Variants in SULF2 observed in about 807,000 individuals in gnomAD.
The protein encoded by SULF2 is extracellular sulfatase Sulf-2.
Under a neutral mutation model 107.7 loss-of-function variants are expected in SULF2, and 52 were observed. The observed-to-expected ratio is 0.48, with a 90% CI of 0.39 to 0.61. The LOEUF (loss-of-function observed/expected upper bound fraction) is 0.61. Among genes scored for constraint, SULF2 ranks in the 20% least tolerant of loss-of-function variants. The pLI is 0.00. For missense variants in SULF2, 993 were observed against 1,177.3 expected, an observed-to-expected ratio of 0.84 and a Z score of 2.29; for synonymous variants, 460 against 464.3, an observed-to-expected ratio of 0.99 and a Z score of 0.12.
At chr20:47,758,987 G>A (rs1600664911) in intron 1 of SULF2, among the ~76,000 whole-genome samples, 1 of 152,302 alleles carries the variant, frequency 6.6e-6, no homozygotes, top group Non-Finnish European at 1.5e-5. Flanking sequence ...GGACTGCAAG[G>A]TGGCCTGAGG....
At chr20:47,737,063 G>C in intron 2 of SULF2, 121 bp from the exon 3 acceptor site, 1 of 1,419,590 alleles carries the variant, frequency 7.0e-7, no homozygotes, top group Non-Finnish European at 9.6e-7. Context: ...GACCTACGGG[G>C]CAGACGGGGC....
At chr20:47,712,547 C>CGTGCTTTACTTTACAGTGCA (rs1171339421) in intron 3 of SULF2, among the ~76,000 whole-genome samples, 1 of 152,210 alleles carries the variant, frequency 6.6e-6, no homozygotes, top group Non-Finnish European at 1.5e-5. Flanking sequence ...AGGCAGGAGC[C>CGTGCTTTACTTTACAGTGCA]GTGCTGCACT....
chr20:47,753,203 G>A (rs1221504737), intron 2 of SULF2, among the ~76,000 whole-genome samples: 1 of 152,060 alleles, frequency 6.6e-6, no homozygotes, highest in East Asian at 1.9e-4. Context: ...GCCTCGAAAA[G>A]GCACCCATCT....
chr20:47,752,841 C>A (rs1296091130), intron 2 of SULF2, among the ~76,000 whole-genome samples: 1 of 152,052 alleles, frequency 6.6e-6, no homozygotes, highest in Non-Finnish European at 1.5e-5. Context: ...GTGGCTCACG[C>A]CTGCGATCCC....
rs138891668 is a variant in SULF2, at chr20:47,673,367, G to A, written c.1381-974C>T. On this transcript the variant is annotated intron_variant, in intron 10 of 20. Coordinates refer to ENST00000688720, the MANE Select transcript of SULF2 (RefSeq NM_001387048.1). Reference sequence around the variant, plus strand: ...ACTACACCTCACGCTACCCTACGAGGCAGGTGCTGTCATTACTGTGCCGAT... The same window carrying A: ...ACTACACCTCACGCTACCCTACGAGACAGGTGCTGTCATTACTGTGCCGAT... Among the ~76,000 whole-genome samples the A allele has an allele frequency of 8.8e-3, 1,334 of 152,292 alleles. 17 individuals are homozygous for A. Among genetic ancestry groups the A allele is most frequent in the African/African-American group, 0.03 (1,265 of 41,544 alleles).
chr20:47,745,122 C>T (rs2146834519), intron 2 of SULF2, among the ~76,000 whole-genome samples: 1 of 152,078 alleles, frequency 6.6e-6, no homozygotes, highest in Middle Eastern at 3.4e-3. Flanking sequence ...TGTAAAAACA[C>T]AGCCCATAAA....
At chr20:47,696,493 G>T (rs1157529822) in intron 4 of SULF2, among the ~76,000 whole-genome samples, 1 of 151,702 alleles carries the variant, frequency 6.6e-6, no homozygotes, top group African/African-American at 2.4e-5. Flanking sequence ...ATCACTTTAT[G>T]CATCTTTTTA....
chr20:47,708,333 T>A (rs561972098), intron 3 of SULF2, among the ~76,000 whole-genome samples: 1 of 151,858 alleles, frequency 6.6e-6, no homozygotes, highest in Non-Finnish European at 1.5e-5. Flanking sequence ...CTGAAGCCAG[T>A]ACAAACGTGG....
chr20:47,659,362 A>G (rs942202343), intron 20 of SULF2, 37 bp downstream of exon 20: 1 of 1,600,244 alleles, frequency 6.2e-7, no homozygotes, highest in Non-Finnish European at 8.6e-7. Flanking sequence ...AGCGGTCAGA[A>G]CCAGATTTCT....
At chr20:47,692,845 G>A (rs2088241256) in intron 4 of SULF2, among the ~76,000 whole-genome samples, 1 of 152,222 alleles carries the variant, frequency 6.6e-6, no homozygotes, top group South Asian at 2.1e-4. Flanking sequence ...AAGATACATG[G>A]TTAAGGGTAA....
intron 3 of SULF2, among the ~76,000 whole-genome samples, chr20:47,716,807 G>A (rs1290637880): frequency 6.6e-6 from 1 of 152,094 alleles, no homozygotes. Context: ...ACCAGCCTGC[G>A]TGACAAAGTG....
intron 1 of SULF2, among the ~76,000 whole-genome samples, chr20:47,759,387 G>T (rs1354600875): frequency 6.6e-6 from 1 of 152,150 alleles, no homozygotes; most frequent in East Asian, 1.9e-4. Context: ...CTTTGCACCT[G>T]CTCTTTTAAA....
intron 3 of SULF2, among the ~76,000 whole-genome samples, chr20:47,734,957 T>G (rs767488578): frequency 6.6e-6 from 1 of 152,246 alleles, no homozygotes; most frequent in Non-Finnish European, 1.5e-5. Flanking sequence ...GATTTTCTCA[T>G]GTCGCCTGTA....
Position 47,676,484 on chromosome 20 carries a change from G to A in SULF2, c.1380+10C>T, listed in dbSNP as rs768443661. The A allele has an allele frequency of 4.4e-6, 7 of 1,605,682 alleles. No homozygotes were observed. In the South Asian group the frequency reaches 7.8e-5, roughly 18 times the overall value. On this transcript the variant is annotated intron_variant, in intron 10 of 20. Transcript: ENST00000688720. ...GGGGGAGCCGTTGGGAGGGAAGGGA[G>A]CCTTCTTACCTGTCCCAGCTGCTCA...
intron 1 of SULF2, among the ~76,000 whole-genome samples, chr20:47,765,356 A>AAAAC (rs2090507287): frequency 7.5e-6 from 1 of 133,464 alleles, no homozygotes; most frequent in African/African-American, 2.8e-5. Flanking sequence ...TGCCTTAAAA[A>AAAAC]AAAACAAAAC....
At chr20:47,744,643 A>T (rs2089965076) in intron 2 of SULF2, among the ~76,000 whole-genome samples, 1 of 151,978 alleles carries the variant, frequency 6.6e-6, no homozygotes, top group South Asian at 2.1e-4. Flanking sequence ...GGCTCAAGTG[A>T]TCCTCCTGCC....
chr20:47,778,861 G>A (rs768666708), intron 1 of SULF2, among the ~76,000 whole-genome samples: 5 of 152,130 alleles, frequency 3.3e-5, no homozygotes, highest in Non-Finnish European at 1.5e-5. Context: ...AACCACACTA[G>A]AAAACAAAAC....
intron 2 of SULF2, among the ~76,000 whole-genome samples, chr20:47,745,818 C>A (rs1334391315): frequency 6.6e-6 from 1 of 152,148 alleles, no homozygotes. Context: ...GAGTGAGCCA[C>A]TGTGCCCGGC....
chr20:47,780,147 G>T (rs2090802572), intron 1 of SULF2, among the ~76,000 whole-genome samples: 2 of 150,740 alleles, frequency 1.3e-5, no homozygotes, highest in Non-Finnish European at 2.9e-5. Flanking sequence ...CTCCCAAATA[G>T]CTGGGACTAC....
Sources: allele counts gnomAD v4.1 joint callset (sites outside exome capture counted in the v4.1 genomes callset), GRCh38; gene constraint gnomAD v4.1.1; transcripts MANE v1.5; gene names NCBI Gene and HGNC (gene_info 2026-07-23, HGNC 2026-07-21).